The following MSANTD3 variants were observed in gnomAD, a reference collection of about 807,000 sequenced individuals.
The protein encoded by MSANTD3 is Myb/SANT DNA binding domain containing 3, also known as myb/SANT-like DNA-binding domain-containing protein 3.
MSANTD3 carries 11 observed loss-of-function variants against 27.7 expected under a neutral mutation model. The observed-to-expected ratio is 0.40, with a 90% CI of 0.25 to 0.66. The LOEUF is 0.66. MSANTD3 is among the 30% of genes least tolerant of loss of function. The pLI is 0.41. For synonymous variants in MSANTD3, 131 were observed against 127.2 expected, an observed-to-expected ratio of 1.03 and a Z score of -0.20; for missense variants, 250 against 336.5, an observed-to-expected ratio of 0.74 and a Z score of 2.01.
At chr9:100,448,020 G>A (rs565708108) in intron 2 of MSANTD3, among the ~76,000 whole-genome samples, 13 of 151,906 alleles carry the variant, frequency 8.6e-5, no homozygotes, top group South Asian at 2.1e-4. Context: ...GTGAAACCCC[G>A]TCTCTACCAA....
In MSANTD3 at chr9:100,433,393, A is replaced by G. The variant is rs114365432; in HGVS notation, c.-34+6000A>G. Among the ~76,000 whole-genome samples the G allele has an allele frequency of 5.9e-3, 896 of 152,062 alleles. 9 individuals are homozygous for G. Among genetic ancestry groups the G allele is most frequent in the African/African-American group, 0.02 (836 of 41,448 alleles). On this transcript the variant is annotated intron_variant, in intron 1 of 2. Coordinates refer to ENST00000395067, the MANE Select transcript of MSANTD3 (RefSeq NM_080655.3). ...ATACTACCTTTTTTTTCTTGGAGAC[A>G]GGGTCTTGCTCTGTCACCCTGGCTG... is the stretch of plus-strand genomic sequence containing the variant.
intron 1 of MSANTD3, among the ~76,000 whole-genome samples, chr9:100,439,308 C>T (rs767004514): frequency 3.9e-5 from 6 of 152,170 alleles, no homozygotes; most frequent in Non-Finnish European, 7.4e-5. Flanking sequence ...CGTGAGTAGC[C>T]GGCTTGAAAT....
intron 2 of MSANTD3, chr9:100,444,400 T>G (rs1195002653): frequency 6.6e-6 from 1 of 152,290 alleles, no homozygotes; most frequent in African/African-American, 2.4e-5. Context: ...TCATTGCTGC[T>G]TCTGTAGTGC....
At chr9:100,428,661 A>T (rs1338352786) in intron 1 of MSANTD3, among the ~76,000 whole-genome samples, 1 of 152,182 alleles carries the variant, frequency 6.6e-6, no homozygotes, top group East Asian at 1.9e-4. Flanking sequence ...CGCCAAAAAT[A>T]TTCAGATTGA....
intron 1 of MSANTD3, among the ~76,000 whole-genome samples, chr9:100,434,695 T>C (rs1250579905): frequency 1.3e-5 from 2 of 152,214 alleles, no homozygotes; most frequent in African/African-American, 4.8e-5. Flanking sequence ...AAATGTCCTC[T>C]TGTTCATGAA....
intron 2 of MSANTD3, among the ~76,000 whole-genome samples, chr9:100,445,677 T>A (rs1587793303): frequency 6.6e-6 from 1 of 152,204 alleles, no homozygotes; most frequent in East Asian, 1.9e-4. Flanking sequence ...AATTAGGTAC[T>A]CAGAAATTTA....
In MSANTD3 at chr9:100,445,098, AGGTAGGGTACT is replaced by A. The variant is rs1456190652; in HGVS notation, c.418+2747_418+2757del. 53 of 855,116 alleles carry A rather than the reference AGGTAGGGTACT, an allele frequency of 6.2e-5. No homozygotes were observed. The East Asian group carries it at 1.3e-3, about 22-fold the overall frequency. 53.0% of individuals were successfully genotyped at this position (855,116 alleles called of 1,614,324 possible). On this transcript the variant is annotated intron_variant, in intron 2 of 2. Transcript: ENST00000395067. ...CCAAAGGTAATCTGTTAATACTAGT[AGGTAGGGTACT>A]GGTACTCTTTCTATACAGTAAAACA...
intron 1 of MSANTD3, among the ~76,000 whole-genome samples, chr9:100,428,352 G>T (rs1329088103): frequency 3.3e-5 from 5 of 152,192 alleles, no homozygotes; most frequent in South Asian, 2.1e-4. Context: ...CAGAGCAGAT[G>T]ATTGTATTCC....
At chr9:100,444,386 C>G (rs1266852237) in intron 2 of MSANTD3, 1 of 152,270 alleles carries the variant, frequency 6.6e-6, no homozygotes, top group Admixed American at 6.5e-5. Context: ...TCTCTTATCA[C>G]TCCTCATTGC....
chr9:100,433,406 G>A (rs1191790611), intron 1 of MSANTD3, among the ~76,000 whole-genome samples: 1 of 151,860 alleles, frequency 6.6e-6, no homozygotes, highest in Non-Finnish European at 1.5e-5. Context: ...GTCTTGCTCT[G>A]TCACCCTGGC....
intron 2 of MSANTD3, chr9:100,444,479 G>T (rs1445244676): frequency 6.6e-6 from 1 of 152,358 alleles, no homozygotes; most frequent in Non-Finnish European, 1.5e-5. Flanking sequence ...CAGTTACTCT[G>T]TTCCTCTCCA....
chr9:100,444,477 C>G (rs986492057), intron 2 of MSANTD3: 25 of 152,358 alleles, frequency 1.6e-4, no homozygotes, highest in African/African-American at 5.3e-4. Context: ...GCCAGTTACT[C>G]TGTTCCTCTC....
intron 1 of MSANTD3, among the ~76,000 whole-genome samples, chr9:100,436,124 A>G (rs1311382668): frequency 6.6e-6 from 1 of 152,046 alleles, no homozygotes; most frequent in Non-Finnish European, 1.5e-5. Context: ...TTATTTGACC[A>G]TTTCTACTTT....
intron 2 of MSANTD3, among the ~76,000 whole-genome samples, chr9:100,450,083 C>T (rs994268096): frequency 5.3e-5 from 8 of 152,238 alleles, no homozygotes; most frequent in Middle Eastern, 3.4e-3. Context: ...ACACCTGTGA[C>T]CAGGAAACAG....
chr9:100,445,488 C>T (rs1379243673), intron 2 of MSANTD3, among the ~76,000 whole-genome samples: 2 of 152,088 alleles, frequency 1.3e-5, no homozygotes, highest in African/African-American at 2.4e-5. Flanking sequence ...TATATTGTTA[C>T]ATGTTGAAAC....
rs139527305 is a variant in MSANTD3 at position 100,430,260 on chromosome 9, A to C, written c.-34+2867A>C. On this transcript the variant is annotated intron_variant, in intron 1 of 2. Coordinates refer to ENST00000395067, the MANE Select transcript of MSANTD3 (RefSeq NM_080655.3). ...CATGAGAGTTGGGCTTTGAAGATTG[A>C]AAATGGGCCGGGCGCGGTGGCTCAC... Among the ~76,000 whole-genome samples, 383 of 151,848 alleles carry C rather than the reference A, an allele frequency of 2.5e-3. 2 individuals carry two copies. Among genetic ancestry groups the C allele is most frequent in the South Asian group, 0.018 (86 of 4,792 alleles).
In MSANTD3 at chr9:100,450,851, G is replaced by A; in HGVS notation, c.713G>A (p.Arg238Lys). ...RECEMAEEEH[R>K]IKMEVLNKKK... ...TGTGAGATGGCAGAGGAGGAACACAGGATAAAAATGGAAGTTCTCAATAAA... is the reference window on the plus strand; with the variant it reads ...TGTGAGATGGCAGAGGAGGAACACAAGATAAAAATGGAAGTTCTCAATAAA... The change falls in exon 3 of 3, where the codon AGG becomes AAG. Residue 238 changes from arginine (R) to lysine (K), a missense_variant. This residue lies in a region of MSANTD3 where 235 missense variants were observed against 299.3 expected (regional missense o/e 0.79). Coordinates refer to ENST00000395067, the MANE Select transcript of MSANTD3 (RefSeq NM_080655.3). The A allele has an allele frequency of 1.2e-6, 2 of 1,614,056 alleles. No homozygotes were observed. Among genetic ancestry groups the A allele is most frequent in the Non-Finnish European group, 1.7e-6 (2 of 1,180,008 alleles).
intron 2 of MSANTD3, among the ~76,000 whole-genome samples, chr9:100,443,957 A>G (rs1034984619): frequency 2.0e-5 from 3 of 152,208 alleles, no homozygotes; most frequent in Non-Finnish European, 4.4e-5. Context: ...TGGGAAATTC[A>G]ATTGTCAGTG....
chr9:100,450,545 A>T lies in MSANTD3; in HGVS notation c.419-12A>T. 4 of 1,514,704 alleles carry T rather than the reference A, an allele frequency of 2.6e-6. No individual in the cohort carries two copies. The highest frequency in any genetic ancestry group is 3.5e-6 in the Non-Finnish European group (4 of 1,136,200). 93.8% of individuals were successfully genotyped at this position (1,514,704 alleles called of 1,614,324 possible). On this transcript the variant is annotated splice_polypyrimidine_tract_variant and intron_variant, in intron 2 of 2. Coordinates refer to ENST00000395067, the MANE Select transcript of MSANTD3 (RefSeq NM_080655.3). The stretch of plus-strand genomic sequence containing the variant: ...AATCTTTGAACATATGTTTTCTGCT[A>T]CTGTTTTTCAGAATCATTTGCTGTT...
Sources: allele counts gnomAD v4.1 joint callset (sites outside exome capture counted in the v4.1 genomes callset), GRCh38; gene constraint gnomAD v4.1.1; regional missense constraint gnomAD v4.1.1; transcripts MANE v1.5; gene names NCBI Gene and HGNC (gene_info 2026-07-23, HGNC 2026-07-21).